The following KCNH5 variants were observed in gnomAD, a reference collection of about 807,000 sequenced individuals.
KCNH5 encodes potassium voltage-gated channel subfamily H member 5, also known as voltage-gated delayed rectifier potassium channel KCNH5.
KCNH5 carries 46 observed loss-of-function variants against 96.1 expected under a neutral mutation model. The observed-to-expected ratio is 0.48, with a 90% CI of 0.38 to 0.61. The LOEUF is 0.61. Among genes scored for constraint, KCNH5 ranks in the 20% least tolerant of loss-of-function variants. KCNH5 has a pLI of 0.00. For missense variants in KCNH5, 907 were observed against 1,225.8 expected, an observed-to-expected ratio of 0.74 and a Z score of 3.88; for synonymous variants, 439 against 449.8, an observed-to-expected ratio of 0.98 and a Z score of 0.30.
At chr14:62,734,159 C>G (rs1422942025) in intron 10 of KCNH5, among the ~76,000 whole-genome samples, 1 of 152,164 alleles carries the variant, frequency 6.6e-6, no homozygotes, top group Non-Finnish European at 1.5e-5. Context: ...ATACGCCTCT[C>G]TCTTCCCCAC....
chr14:62,973,577 T>C (rs1229041433), intron 6 of KCNH5, among the ~76,000 whole-genome samples: 1 of 152,174 alleles, frequency 6.6e-6, no homozygotes. Context: ...GGACACCACA[T>C]GCCAGTGCCT....
intron 7 of KCNH5, among the ~76,000 whole-genome samples, chr14:62,871,724 A>C (rs751364515): frequency 1.3e-5 from 2 of 152,182 alleles, no homozygotes; most frequent in African/African-American, 4.8e-5. Flanking sequence ...CAAGGACATA[A>C]GCAAAGGATG....
intron 10 of KCNH5, among the ~76,000 whole-genome samples, chr14:62,732,688 T>C (rs1222856116): frequency 6.6e-6 from 1 of 152,150 alleles, no homozygotes; most frequent in Non-Finnish European, 1.5e-5. Context: ...GCTTACTTAT[T>C]GCTTTGTTTT....
chr14:62,942,288 T>C (rs1889804410), intron 7 of KCNH5, among the ~76,000 whole-genome samples: 1 of 152,172 alleles, frequency 6.6e-6, no homozygotes, highest in Non-Finnish European at 1.5e-5. Context: ...AACTTTGGCA[T>C]TTCACAATTG....
chr14:62,869,465 T>A (rs767956999), intron 7 of KCNH5, among the ~76,000 whole-genome samples: 7 of 152,176 alleles, frequency 4.6e-5, no homozygotes, highest in Non-Finnish European at 8.8e-5. Context: ...GCAAAAATTT[T>A]CTCCCATTCA....
intron 10 of KCNH5, among the ~76,000 whole-genome samples, chr14:62,730,011 G>T (rs891239098): frequency 3.9e-5 from 6 of 152,166 alleles, no homozygotes; most frequent in African/African-American, 1.4e-4. Context: ...GGGATAGGTT[G>T]ATTTTAGTAG....
At chr14:62,936,662 G>A (rs572476668) in intron 7 of KCNH5, among the ~76,000 whole-genome samples, 3 of 106,562 alleles carry the variant, frequency 2.8e-5, no homozygotes, top group South Asian at 7.0e-4. Context: ...GTGATAGAGC[G>A]AGACCCTGCC....
intron 3 of KCNH5, among the ~76,000 whole-genome samples, chr14:63,004,488 A>G (rs535650446): frequency 2.9e-4 from 44 of 152,348 alleles, no homozygotes; most frequent in African/African-American, 9.6e-4. Context: ...TAATAATTTC[A>G]ATCCATTAAC....
chr14:62,749,445 G>C (rs1028750382), intron 10 of KCNH5, among the ~76,000 whole-genome samples: 1 of 152,168 alleles, frequency 6.6e-6, no homozygotes, highest in Non-Finnish European at 1.5e-5. Flanking sequence ...TCCATTTTGA[G>C]GAAAGTTGAC....
intron 7 of KCNH5, among the ~76,000 whole-genome samples, chr14:62,898,989 G>A (rs1374410782): frequency 6.6e-6 from 1 of 152,080 alleles, no homozygotes; most frequent in South Asian, 2.1e-4. Flanking sequence ...AATTGCCACT[G>A]TAAAGGGAGA....
At chr14:63,035,411 C>A (rs1018716988) in intron 1 of KCNH5, among the ~76,000 whole-genome samples, 3 of 152,160 alleles carry the variant, frequency 2.0e-5, no homozygotes, top group African/African-American at 7.2e-5. Flanking sequence ...AAGGCTTTCT[C>A]CTGTATGTTT....
At chr14:62,718,938 G>C (rs1333123755) in intron 10 of KCNH5, among the ~76,000 whole-genome samples, 2 of 152,186 alleles carry the variant, frequency 1.3e-5, no homozygotes, top group Non-Finnish European at 2.9e-5. Context: ...CATGCTAAGT[G>C]AGAGGAACCT....
chr14:62,808,125 C>T (rs963336331), intron 8 of KCNH5, among the ~76,000 whole-genome samples: 1 of 152,058 alleles, frequency 6.6e-6, no homozygotes, highest in Admixed American at 6.6e-5. Context: ...AATAACATAA[C>T]ATGTAATTGA....
chr14:62,857,305 T>G (rs1479778595), intron 7 of KCNH5, among the ~76,000 whole-genome samples: 1 of 152,168 alleles, frequency 6.6e-6, no homozygotes, highest in Non-Finnish European at 1.5e-5. Flanking sequence ...GAAAAAATTA[T>G]AAGAAATTAA....
In KCNH5 at chr14:63,045,165, G is replaced by A. The variant is rs772324503; in HGVS notation, c.22C>T (p.Leu8=). MPGGKRG[L]VAPQNTFLEN... Reference sequence around the variant, plus strand: ...AAAAATGTGTTCTGCGGTGCCACCAGCCCTCTCTTGCCCCCCGGCATCCTG... The same window carrying A: ...AAAAATGTGTTCTGCGGTGCCACCAACCCTCTCTTGCCCCCCGGCATCCTG... The change falls in exon 1 of 11, where the codon CTG becomes TTG. Residue 8 remains leucine, a synonymous_variant. Transcript: ENST00000322893. The A allele has an allele frequency of 3.1e-6, 5 of 1,613,590 alleles. No individual in the cohort carries two copies. The Admixed American group carries it at 8.3e-5, about 27-fold the overall frequency.
intron 10 of KCNH5, among the ~76,000 whole-genome samples, chr14:62,720,499 C>T (rs1317533329): frequency 2.0e-5 from 3 of 152,134 alleles, no homozygotes; most frequent in Non-Finnish European, 2.9e-5. Flanking sequence ...AGGAGAATGG[C>T]GTGAACCCGG....
At chr14:62,888,284 G>A (rs1265362859) in intron 7 of KCNH5, among the ~76,000 whole-genome samples, 1 of 152,156 alleles carries the variant, frequency 6.6e-6, no homozygotes, top group Non-Finnish European at 1.5e-5. Flanking sequence ...ATGTGCTAAT[G>A]AAGTTGCAGA....
chr14:62,891,226 T>C (rs766734338), intron 7 of KCNH5, among the ~76,000 whole-genome samples: 46 of 152,306 alleles, frequency 3.0e-4, no homozygotes, highest in East Asian at 1.2e-3. Context: ...TATTCAGCCA[T>C]AAAAAACAAT....
intron 7 of KCNH5, among the ~76,000 whole-genome samples, chr14:62,895,890 C>A (rs533084968): frequency 1.8e-4 from 27 of 152,274 alleles, no homozygotes; most frequent in Admixed American, 1.5e-3. Flanking sequence ...ACTCTGCCTT[C>A]TATGAACTCC....
Sources: gnomAD v4.1 joint callset for allele counts (sites outside exome capture counted in the v4.1 genomes callset) on GRCh38, gnomAD v4.1.1 for gene constraint, MANE v1.5 for transcripts, NCBI Gene and HGNC (gene_info 2026-07-23, HGNC 2026-07-21) for gene names.